HECW2: variants seen among roughly 807,000 people sequenced by gnomAD.
HECW2 encodes the protein HECT, C2 and WW domain containing E3 ubiquitin protein ligase 2.
Under a neutral mutation model 175.2 loss-of-function variants are expected in HECW2, and 61 were observed. The ratio of observed to expected loss-of-function variants is 0.35; its 90% confidence interval spans 0.28 to 0.43. HECW2 has a LOEUF of 0.43. HECW2 is among the 20% of genes least tolerant of loss of function. The probability of loss-of-function intolerance (pLI) is 1.00; values close to 1 mark genes in which losing one functional copy is unlikely to be tolerated. For missense variants in HECW2, 1,524 were observed against 2,000.5 expected (o/e 0.76, Z 4.54); for synonymous variants, 671 against 731.0 (o/e 0.92, Z 1.32).
chr2:196,360,102 C>T (rs530341273), intron 2 of HECW2, among the ~76,000 whole-genome samples: 2 of 152,172 alleles, frequency 1.3e-5, no homozygotes, highest in South Asian at 4.2e-4. Context: ...GAGACCCTGT[C>T]TCTAAAAAAA....
intron 1 of HECW2, among the ~76,000 whole-genome samples, chr2:196,514,312 T>C (rs1478466074): frequency 3.9e-5 from 6 of 152,240 alleles, no homozygotes; most frequent in Non-Finnish European, 5.9e-5. Context: ...GTATAGTCTG[T>C]AAAGTTCCCT....
chr2:196,511,768 A>G (rs1037346246), intron 1 of HECW2, among the ~76,000 whole-genome samples: 18 of 152,208 alleles, frequency 1.2e-4, no homozygotes, highest in African/African-American at 4.1e-4. Context: ...GGGCAGGCAA[A>G]CAATCAAGGT....
At chr2:196,536,489 A>C (rs1174217517) in intron 1 of HECW2, among the ~76,000 whole-genome samples, 1 of 151,892 alleles carries the variant, frequency 6.6e-6, no homozygotes, top group African/African-American at 2.4e-5. Flanking sequence ...GCCTCACAAA[A>C]CTCCTGCTGC....
At chr2:196,211,815 A>G (rs1687297001) in intron 28 of HECW2, among the ~76,000 whole-genome samples, 3 of 151,994 alleles carry the variant, frequency 2.0e-5, no homozygotes, top group Non-Finnish European at 4.4e-5. Context: ...CATGCCCGAC[A>G]CAAGACCATG....
At chr2:196,365,263 T>C (rs1435033850) in intron 2 of HECW2, among the ~76,000 whole-genome samples, 1 of 152,212 alleles carries the variant, frequency 6.6e-6, no homozygotes, top group Non-Finnish European at 1.5e-5. Flanking sequence ...AAATTGGCAA[T>C]GGAAAAATTC....
At chr2:196,438,024 C>CGTT (rs1559110772) in intron 1 of HECW2, among the ~76,000 whole-genome samples, 1 of 152,074 alleles carries the variant, frequency 6.6e-6, no homozygotes, top group Admixed American at 6.6e-5. Flanking sequence ...TTTGCTTTCA[C>CGTT]GTTTTGTTTT....
intron 17 of HECW2, among the ~76,000 whole-genome samples, chr2:196,264,801 T>C (rs952056088): frequency 1.3e-5 from 2 of 152,190 alleles, no homozygotes; most frequent in African/African-American, 4.8e-5. Flanking sequence ...AATTAGTACA[T>C]CCATTCAAAT....
intron 2 of HECW2, among the ~76,000 whole-genome samples, chr2:196,380,537 T>C (rs1221140679): frequency 6.6e-6 from 1 of 152,200 alleles, no homozygotes; most frequent in Non-Finnish European, 1.5e-5. Context: ...TAAACAACTG[T>C]CATTGGTTGT....
chr2:196,368,581 C>G (rs1693819094), intron 2 of HECW2, among the ~76,000 whole-genome samples: 3 of 152,144 alleles, frequency 2.0e-5, no homozygotes, highest in African/African-American at 7.2e-5. Context: ...CACTATCTCT[C>G]TCTACCTCCT....
At chr2:196,527,191 T>C (rs1056077715) in intron 1 of HECW2, among the ~76,000 whole-genome samples, 4 of 152,336 alleles carry the variant, frequency 2.6e-5, no homozygotes, top group Non-Finnish European at 2.9e-5. Flanking sequence ...TGCGCCGTTT[T>C]TTAAGCTGGT....
chr2:196,217,192 T>C (rs1438031651), intron 26 of HECW2, 99 bp from the exon 27 acceptor site: 4 of 765,186 alleles, frequency 5.2e-6, no homozygotes, highest in Admixed American at 2.6e-5. Context: ...AATCATCCTC[T>C]TGAATTCTTT....
intron 1 of HECW2, among the ~76,000 whole-genome samples, chr2:196,447,607 C>G (rs1050223343): frequency 1.3e-5 from 2 of 152,186 alleles, no homozygotes; most frequent in African/African-American, 4.8e-5. Context: ...ATTTGACTCT[C>G]TTAGGATTAG....
intron 1 of HECW2, among the ~76,000 whole-genome samples, chr2:196,537,505 T>C (rs1299314016): frequency 6.6e-6 from 1 of 151,938 alleles, no homozygotes; most frequent in African/African-American, 2.4e-5. Flanking sequence ...TATGAAAACA[T>C]GTCTAGAAAA....
At chr2:196,360,632 C>T (rs1328193810) in intron 2 of HECW2, among the ~76,000 whole-genome samples, 2 of 152,140 alleles carry the variant, frequency 1.3e-5, no homozygotes, top group African/African-American at 2.4e-5. Context: ...ATCTCTTCAA[C>T]AAACTCCTGT....
In HECW2 at chr2:196,500,414, C is replaced by T. The variant is rs151232216; in HGVS notation, c.-35-66956G>A. ...ATACATACATGCAATCTTACACCAT[C>T]AAAGGATGTGAGCAGTTCAAATAAT... On this transcript the variant is annotated intron_variant, in intron 1 of 28. Coordinates refer to ENST00000644978, the MANE Select transcript of HECW2 (RefSeq NM_001348768.2). Among the ~76,000 whole-genome samples the T allele has an allele frequency of 7.0e-4, 106 of 152,216 alleles. 3 individuals are homozygous for T. Among genetic ancestry groups the T allele is most frequent in the African/African-American group, 2.1e-3 (88 of 41,532 alleles).
At chr2:196,268,116 T>A (rs993214930) in intron 17 of HECW2, among the ~76,000 whole-genome samples, 1 of 152,246 alleles carries the variant, frequency 6.6e-6, no homozygotes, top group African/African-American at 2.4e-5. Flanking sequence ...AAACAGAATG[T>A]TCTCTTAGAT....
rs1158051512 is a variant in HECW2, at chr2:196,521,282, CAA to C, written c.-36+72224_-36+72225del. On this transcript the variant is annotated intron_variant, in intron 1 of 28. Coordinates refer to ENST00000644978, the MANE Select transcript of HECW2 (RefSeq NM_001348768.2). ...CATCCTCACTAGGAAACGTGAGTAA[CAA>C]AAAAAAAAAAAAAAAAAAAAAAAGA... is the stretch of plus-strand genomic sequence containing the variant. 5.4e-4 allele frequency among the ~76,000 whole-genome samples: 29 copies of C among 53,694 alleles called. No homozygotes were observed. The South Asian group carries it at 0.021, about 39-fold the overall frequency. The allele number at this position is 53,694 out of a possible 152,430, so 35.2% of individuals were successfully genotyped here. A position where few individuals can be genotyped will look rare whatever the true frequency, so the allele number is the denominator to read the frequency against.
rs1258681469 is a variant in HECW2 at position 196,204,132 on chromosome 2, C to T, written c.4608-2744G>A. ...TAATGAACAGGAGTTTTTTTCCTAC[C>T]GTTTGGCTATTGTAAATAATGCTCC... On this transcript the variant is annotated intron_variant, in intron 28 of 28. Transcript: ENST00000644978. Among the ~76,000 whole-genome samples the T allele has an allele frequency of 3.9e-5, 6 of 151,936 alleles. No homozygotes were observed. In the East Asian group the frequency reaches 5.8e-4, roughly 15 times the overall value.
intron 1 of HECW2, among the ~76,000 whole-genome samples, chr2:196,472,481 C>CAAAAAAAAA (rs538116476): frequency 1.4e-5 from 1 of 71,380 alleles, no homozygotes; most frequent in Non-Finnish European, 2.8e-5. Flanking sequence ...GAGACTCCGT[C>CAAAAAAAAA]AAAAAAAAAA....
Sources: gnomAD v4.1 joint callset for allele counts (sites outside exome capture counted in the v4.1 genomes callset) on GRCh38, gnomAD v4.1.1 for gene constraint, MANE v1.5 for transcripts, NCBI Gene and HGNC (gene_info 2026-07-23, HGNC 2026-07-21) for gene names.